The following GALNT9 variants were observed in gnomAD, a reference collection of about 807,000 sequenced individuals.
The protein encoded by GALNT9 is polypeptide N-acetylgalactosaminyltransferase 9.
In GALNT9, 47 loss-of-function variants were observed where a neutral mutation model predicts 63.1. The ratio of observed to expected loss-of-function variants is 0.75; its 90% CI spans 0.59 to 0.95. The LOEUF (loss-of-function observed/expected upper bound fraction) is 0.95. Among genes scored for constraint, GALNT9 ranks in the 40% least tolerant of loss-of-function variants. GALNT9 has a pLI of 0.00. For synonymous variants in GALNT9, 396 were observed against 365.7 expected (o/e 1.08, Z -0.94); for missense variants, 829 against 874.8 (o/e 0.95, Z 0.66).
chr12:132,259,683 C>G (rs1309730505), intron 4 of GALNT9, among the ~76,000 whole-genome samples: 1 of 152,140 alleles, frequency 6.6e-6, no homozygotes, highest in Non-Finnish European at 1.5e-5. Context: ...TCCCCGGGGA[C>G]CCAGCAGGAG....
intron 1 of GALNT9, among the ~76,000 whole-genome samples, chr12:132,311,951 T>C (rs1429917713): frequency 2.0e-5 from 3 of 152,184 alleles, no homozygotes; most frequent in African/African-American, 7.2e-5. Context: ...ATTTTGATGA[T>C]TACAAAGTGA....
At chr12:132,221,051 C>G (rs1199040517) in intron 6 of GALNT9, among the ~76,000 whole-genome samples, 1 of 71,014 alleles carries the variant, frequency 1.4e-5, no homozygotes, top group African/African-American at 6.3e-5. Flanking sequence ...GAGATTGTGT[C>G]AAAAAAAAAA....
Position 132,329,119 on chromosome 12 carries a change from G to T in GALNT9, c.85C>A (p.Arg29Ser). 1.3e-6 allele frequency: 2 copies of T among 1,549,596 alleles called. No homozygotes were observed. Among genetic ancestry groups the T allele is most frequent in the Non-Finnish European group, 1.7e-6 (2 of 1,146,598 alleles). The change falls in exon 1 of 11, where the codon CGC (arginine) becomes AGC (serine). Residue 29 changes from arginine to serine, a missense_variant. By Grantham distance (110) the Arg-to-Ser change is moderately radical. Transcript: ENST00000328957. ...VGIVLFSVYCRLQGRSQELVR... is the reference protein window; with the variant it reads ...VGIVLFSVYCSLQGRSQELVR... ...AGCTCCTGGGAGCGGCCCTGCAGGCGGCAGTACACGGAGAACAGGACGATG... is the reference window on the plus strand; with the variant it reads ...AGCTCCTGGGAGCGGCCCTGCAGGCTGCAGTACACGGAGAACAGGACGATG...
chr12:132,269,806 G>A (rs966847709), intron 2 of GALNT9, among the ~76,000 whole-genome samples: 17 of 152,236 alleles, frequency 1.1e-4, no homozygotes, highest in East Asian at 1.9e-4. Flanking sequence ...TCACTTTCCC[G>A]TGTCTAACCA....
intron 1 of GALNT9, among the ~76,000 whole-genome samples, chr12:132,301,736 A>T (rs1881304228): frequency 6.6e-6 from 1 of 152,240 alleles, no homozygotes; most frequent in South Asian, 2.1e-4. Flanking sequence ...AGCCTCCCCC[A>T]TGCCCTGCAC....
chr12:132,239,403 G>GAC (rs1217705178), intron 6 of GALNT9, among the ~76,000 whole-genome samples: 1 of 151,434 alleles, frequency 6.6e-6, no homozygotes, highest in Non-Finnish European at 1.5e-5. Flanking sequence ...CAGAAAGAGA[G>GAC]ACACACACTG....
intron 1 of GALNT9, among the ~76,000 whole-genome samples, chr12:132,324,272 T>G (rs1458041876): frequency 6.6e-6 from 1 of 151,998 alleles, no homozygotes; most frequent in African/African-American, 2.4e-5. Context: ...CGCAGGACAT[T>G]CCGAGACGCA....
At chr12:132,259,884 A>C (rs2135543282) in intron 4 of GALNT9, among the ~76,000 whole-genome samples, 1 of 152,252 alleles carries the variant, frequency 6.6e-6, no homozygotes, top group South Asian at 2.1e-4. Flanking sequence ...TTCTCCAGGA[A>C]GTGGGGAAAA....
At chr12:132,306,249 C>T (rs953281154) in intron 1 of GALNT9, among the ~76,000 whole-genome samples, 4 of 152,240 alleles carry the variant, frequency 2.6e-5, no homozygotes, top group East Asian at 1.9e-4. Flanking sequence ...GGCCTCCCCA[C>T]GGAGCTGACA....
Position 132,322,175 on chromosome 12 carries a change from G to T in GALNT9, c.238+6791C>A, listed in dbSNP as rs918129491. The stretch of plus-strand genomic sequence containing the variant: ...GGACGTGAGCTTCCGGGCGGGCCCC[G>T]TTCAACCCGTAACCATCCCCGCCAC... On this transcript the variant is annotated intron_variant, in intron 1 of 10. Transcript: ENST00000328957. Among the ~76,000 whole-genome samples, 16 of 152,274 alleles carry T rather than the reference G, an allele frequency of 1.1e-4. No homozygotes were observed. The South Asian group carries it at 3.3e-3, about 32-fold the overall frequency.
At chr12:132,225,940 C>A (rs1279114194) in intron 6 of GALNT9, among the ~76,000 whole-genome samples, 3 of 147,394 alleles carry the variant, frequency 2.0e-5, no homozygotes, top group Admixed American at 6.7e-5. Context: ...CACACACACA[C>A]CCCATACACC....
At position 132,201,177 on chromosome 12, in the gene GALNT9, C is replaced by G. The variant is rs780625232; in HGVS notation, c.1348G>C (p.Glu450Gln). The change falls in exon 8 of 11, where the codon GAG becomes CAG. Residue 450 changes from glutamate (E) to glutamine (Q), a missense_variant. By Grantham distance (29) the Glu-to-Gln change is conservative. Coordinates refer to ENST00000328957, the MANE Select transcript of GALNT9 (RefSeq NM_001122636.2). ...LKCRSFKWYL[E>Q]NVYPEMRVYN... ...ACCCTCATCTCCGGGTACACGTTCT[C>G]CAGGTACCACTTGAAGCTGCGACAC... is the stretch of plus-strand genomic sequence containing the variant. The G allele has an allele frequency of 2.5e-6, 4 of 1,613,080 alleles. No homozygotes were observed. The highest frequency in any genetic ancestry group is 1.7e-4 in the Middle Eastern group (1 of 6,058).
At chr12:132,292,186 C>T (rs1880884564) in intron 1 of GALNT9, among the ~76,000 whole-genome samples, 1 of 152,246 alleles carries the variant, frequency 6.6e-6, no homozygotes, top group Admixed American at 6.5e-5. Flanking sequence ...CTAAAATCAT[C>T]CCCTCCGCTA....
At chr12:132,233,214 C>T (rs1877912021) in intron 6 of GALNT9, among the ~76,000 whole-genome samples, 1 of 24,534 alleles carries the variant, frequency 4.1e-5, no homozygotes, top group East Asian at 1.4e-3. Context: ...AGCGTGGAGT[C>T]CCTAGTGCCA....
At chr12:132,321,096 C>T (rs977441747) in intron 1 of GALNT9, among the ~76,000 whole-genome samples, 1 of 152,226 alleles carries the variant, frequency 6.6e-6, no homozygotes, top group African/African-American at 2.4e-5. Flanking sequence ...CGCTGCTCAA[C>T]ATCCACAACC....
At chr12:132,302,156 G>A (rs183922767) in intron 1 of GALNT9, among the ~76,000 whole-genome samples, 26 of 151,528 alleles carry the variant, frequency 1.7e-4, no homozygotes, top group Admixed American at 1.2e-3. Context: ...AGCAATATAT[G>A]CTTCCACTAC....
chr12:132,212,734 C>T (rs1877003348), intron 6 of GALNT9, among the ~76,000 whole-genome samples: 1 of 26,404 alleles, frequency 3.8e-5, no homozygotes, highest in Non-Finnish European at 7.0e-5. Flanking sequence ...ACGGAAACCC[C>T]ACCCGGGTCT....
rs540434846 is a variant in GALNT9 at position 132,328,955 on chromosome 12, C to A, written c.238+11G>T. ...GGGCTGCCCCCACTCCGCCCCGGCGCCCCCGCTCACCGTTGAGCTGGTTGT... is the reference window on the plus strand; with the variant it reads ...GGGCTGCCCCCACTCCGCCCCGGCGACCCCGCTCACCGTTGAGCTGGTTGT... On this transcript the variant is annotated intron_variant, in intron 1 of 10. Transcript: ENST00000328957. The A allele has an allele frequency of 8.6e-6, 13 of 1,512,628 alleles. No individual in the cohort carries two copies. The South Asian group carries it at 1.6e-4, about 19-fold the overall frequency. The allele number at this position is 1,512,628 out of a possible 1,614,324, so 93.7% of individuals were successfully genotyped here.
intron 1 of GALNT9, among the ~76,000 whole-genome samples, chr12:132,290,457 C>T (rs1880765829): frequency 6.6e-6 from 1 of 152,176 alleles, no homozygotes; most frequent in Non-Finnish European, 1.5e-5. Context: ...GTTCTCTGTG[C>T]TGTCCTCTGC....
Sources: allele counts gnomAD v4.1 joint callset (sites outside exome capture counted in the v4.1 genomes callset), GRCh38; gene constraint gnomAD v4.1.1; transcripts MANE v1.5; gene names NCBI Gene and HGNC (gene_info 2026-07-23, HGNC 2026-07-21).